The following GPRIN3 variants were observed in gnomAD, a reference collection of about 807,000 sequenced individuals.
The protein encoded by GPRIN3 is GPRIN family member 3, also known as G protein-regulated inducer of neurite outgrowth 3.
A neutral mutation model predicts 13.7 loss-of-function variants in GPRIN3; 12 were observed. The ratio of observed to expected loss-of-function variants is 0.87; its 90% CI spans 0.56 to 1.42. The LOEUF is 1.42. GPRIN3 is among the 40% of genes most tolerant of loss of function. The pLI, the probability that GPRIN3 is intolerant of heterozygous loss-of-function variation, is 0.00. For synonymous variants in GPRIN3, 377 were observed against 372.7 expected (o/e 1.01, Z -0.13); for missense variants, 1,009 against 958.7 (o/e 1.05, Z -0.69).
At position 89,238,432 on chromosome 4, in the gene GPRIN3, G is replaced by A. The variant is rs1722840326; in HGVS notation, c.*9348C>T. 1 of 152,162 alleles carries A rather than the reference G, an allele frequency of 6.6e-6. No individual in the cohort carries two copies. 9.4% of individuals were successfully genotyped at this position (152,162 alleles called of 1,614,324 possible). The stretch of plus-strand genomic sequence containing the variant: ...TTCTCAGGAGTAGGCAGAAAGGCTG[G>A]AGCTATATAGGGTACACCTGATGGC... On this transcript the variant is annotated 3_prime_UTR_variant, in exon 2 of 2. Transcript: ENST00000609438.
chr4:89,305,181 C>T (rs1725003296), intron 1 of GPRIN3, among the ~76,000 whole-genome samples: 1 of 152,162 alleles, frequency 6.6e-6, no homozygotes, highest in Non-Finnish European at 1.5e-5. Flanking sequence ...GTTTTTCAAC[C>T]ACCTGGAGCT....
intron 1 of GPRIN3, among the ~76,000 whole-genome samples, chr4:89,299,206 T>A (rs1484525136): frequency 6.6e-6 from 1 of 152,154 alleles, no homozygotes; most frequent in Non-Finnish European, 1.5e-5. Flanking sequence ...AATGCCACTC[T>A]CTTCAAAGAA....
chr4:89,256,742 C>G (rs1723475297), intron 1 of GPRIN3, among the ~76,000 whole-genome samples: 1 of 152,176 alleles, frequency 6.6e-6, no homozygotes, highest in Non-Finnish European at 1.5e-5. Context: ...TCTTTCCAGC[C>G]ATCTGACAGC....
At chr4:89,266,413 A>AAT (rs1723781354) in intron 1 of GPRIN3, among the ~76,000 whole-genome samples, 1 of 152,194 alleles carries the variant, frequency 6.6e-6, no homozygotes, top group Non-Finnish European at 1.5e-5. Context: ...GTGGCTCTTC[A>AAT]TAAACTTATG....
chr4:89,251,681 A>T (rs564170185), intron 1 of GPRIN3, among the ~76,000 whole-genome samples: 1 of 152,378 alleles, frequency 6.6e-6, no homozygotes, highest in Non-Finnish European at 1.5e-5. Context: ...TGAATGAGAA[A>T]AACAAGGTCC....
rs2149246911 is a variant in GPRIN3 at position 89,242,049 on chromosome 4, TTC to T, written c.*5729_*5730del. On this transcript the variant is annotated 3_prime_UTR_variant, in exon 2 of 2. Coordinates refer to ENST00000609438, the MANE Select transcript of GPRIN3 (RefSeq NM_198281.3). ...CTGTTAGCAATTCTCTCCCATTTAA[TTC>T]TTTCTAACATCATTAAATCACTGGG... 6.6e-6 allele frequency: 1 copy of T among 152,336 alleles called. No individual in the cohort carries two copies. Among genetic ancestry groups the T allele is most frequent in the African/African-American group, 2.4e-5 (1 of 41,586 alleles). The allele number at this position is 152,336 out of a possible 1,614,324, so 9.4% of individuals were successfully genotyped here.
chr4:89,264,345 G>T (rs980304632), intron 1 of GPRIN3, among the ~76,000 whole-genome samples: 1 of 152,166 alleles, frequency 6.6e-6, no homozygotes, highest in Admixed American at 6.5e-5. Context: ...TACCATGAGT[G>T]GAAGCAGCCT....
chr4:89,269,028 T>C (rs970619441), intron 1 of GPRIN3, among the ~76,000 whole-genome samples: 6 of 152,152 alleles, frequency 3.9e-5, no homozygotes, highest in African/African-American at 1.4e-4. Flanking sequence ...TGAGGTATGA[T>C]TGATATGCAT....
intron 1 of GPRIN3, 135 bp from the exon 2 acceptor site, chr4:89,250,368 G>A (rs931673460): frequency 5.2e-5 from 21 of 400,690 alleles, no homozygotes; most frequent in African/African-American, 4.2e-4. Flanking sequence ...TAGACCTTGT[G>A]GGGAGGGAGA....
In GPRIN3 at chr4:89,275,136, C is replaced by CTGTGTGTGTGTGTGTGTGTG. The variant is rs56091424; in HGVS notation, c.-123-24923_-123-24904dup. Among the ~76,000 whole-genome samples, 143 of 149,248 alleles carry CTGTGTGTGTGTGTGTGTGTG rather than the reference C, an allele frequency of 9.6e-4. 1 individual carries two copies. The highest frequency in any genetic ancestry group is 3.2e-3 in the African/African-American group (129 of 40,360). On this transcript the variant is annotated intron_variant, in intron 1 of 1. Transcript: ENST00000609438. ...TTTTCCAATAATGGACTAAGTAACT[C>CTGTGTGTGTGTGTGTGTGTG]TGTGTGTGTGTGTGTGTGTGTGTCC...
At position 89,238,644 on chromosome 4, in the gene GPRIN3, C is replaced by A. The variant is rs1722846033; in HGVS notation, c.*9136G>T. The A allele has an allele frequency of 6.6e-6, 1 of 151,684 alleles. No individual in the cohort carries two copies. The highest frequency in any genetic ancestry group is 2.4e-5 in the African/African-American group (1 of 41,276). 9.4% of individuals were successfully genotyped at this position (151,684 alleles called of 1,614,324 possible). A position where few individuals can be genotyped will look rare whatever the true frequency, so the allele number is the denominator to read the frequency against. ...GCTCTACCAAGTACAGGAAAAACCT[C>A]GCGTTTGATGACCAGGAGGAATTGT... On this transcript the variant is annotated 3_prime_UTR_variant, in exon 2 of 2. Coordinates refer to ENST00000609438, the MANE Select transcript of GPRIN3 (RefSeq NM_198281.3).
intron 1 of GPRIN3, among the ~76,000 whole-genome samples, chr4:89,303,975 T>A (rs115398992): frequency 0.01 from 1,525 of 152,298 alleles, 25 homozygotes; most frequent in African/African-American, 0.035. Context: ...CTTTTCTAAA[T>A]GATTCTTAAA....
chr4:89,250,204 A>T lies in GPRIN3; in HGVS notation c.-94T>A. 6.6e-7 allele frequency: 1 copy of T among 1,515,124 alleles called. No individual in the cohort carries two copies. The highest frequency in any genetic ancestry group is 8.8e-7 in the Non-Finnish European group (1 of 1,132,842). The allele number at this position is 1,515,124 out of a possible 1,614,324, so 93.9% of individuals were successfully genotyped here. A position where few individuals can be genotyped will look rare whatever the true frequency, so the allele number is the denominator to read the frequency against. ...CAGTCAGAGCTCAGAGTGATGACAC[A>T]GTCAGGGATGATTCCTCTGAAGAAC... is the stretch of plus-strand genomic sequence containing the variant. On this transcript the variant is annotated 5_prime_UTR_variant, in exon 2 of 2. Transcript: ENST00000609438.
In GPRIN3 at chr4:89,241,448, T is replaced by A. The variant is rs1416894987; in HGVS notation, c.*6332A>T. On this transcript the variant is annotated 3_prime_UTR_variant, in exon 2 of 2. Transcript: ENST00000609438. ...AATGTATTGACATACCACGACCAGC[T>A]ACAGTATTATGCACGACATATTGTT... The A allele has an allele frequency of 6.6e-6, 1 of 152,194 alleles. No individual in the cohort carries two copies. The highest frequency in any genetic ancestry group is 1.5e-5 in the Non-Finnish European group (1 of 68,034). The allele number at this position is 152,194 out of a possible 1,614,324, so 9.4% of individuals were successfully genotyped here. A position where few individuals can be genotyped will look rare whatever the true frequency, so the allele number is the denominator to read the frequency against.
chr4:89,287,672 G>C (rs1234145894), intron 1 of GPRIN3, among the ~76,000 whole-genome samples: 1 of 152,142 alleles, frequency 6.6e-6, no homozygotes, highest in Non-Finnish European at 1.5e-5. Flanking sequence ...ATTATGAATA[G>C]ACTTCAATGC....
At position 89,238,893 on chromosome 4, in the gene GPRIN3, G is replaced by C. The variant is rs1318914040; in HGVS notation, c.*8887C>G. 1 of 152,078 alleles carries C rather than the reference G, an allele frequency of 6.6e-6. No individual in the cohort carries two copies. Among genetic ancestry groups the C allele is most frequent in the Non-Finnish European group, 1.5e-5 (1 of 68,026 alleles). The allele number at this position is 152,078 out of a possible 1,614,324, so 9.4% of individuals were successfully genotyped here. On this transcript the variant is annotated 3_prime_UTR_variant, in exon 2 of 2. Coordinates refer to ENST00000609438, the MANE Select transcript of GPRIN3 (RefSeq NM_198281.3). The stretch of plus-strand genomic sequence containing the variant: ...TTACATTTATTATGAAAAGTGAGAT[G>C]CAAAAAAATCATAATCTAAATTTTT...
chr4:89,248,507 G>A lies in GPRIN3; in HGVS notation c.1604C>T (p.Ala535Val). The change falls in exon 2 of 2, where the codon GCA (alanine) becomes GTA (valine). Residue 535 changes from alanine to valine, a missense_variant. Physicochemically the swap from Ala to Val is moderately conservative, Grantham distance 64. Coordinates refer to ENST00000609438, the MANE Select transcript of GPRIN3 (RefSeq NM_198281.3). ...AGGAGATGCAGGCTTCTTTTCCCTT[G>A]CATCTCCTTTATTAGTGGGATCCAA... Reference protein sequence around the residue: ...GSLDPTNKGDAREKKPASPQV... With the variant: ...GSLDPTNKGDVREKKPASPQV... 1 of 1,613,038 alleles carries A rather than the reference G, an allele frequency of 6.2e-7. No homozygotes were observed. Among genetic ancestry groups the A allele is most frequent in the African/African-American group, 1.3e-5 (1 of 74,928 alleles).
chr4:89,250,008 G>T lies in GPRIN3; in HGVS notation c.103C>A (p.His35Asn), dbSNP rs1399451022. 3 of 1,614,238 alleles carry T rather than the reference G, an allele frequency of 1.9e-6. No homozygotes were observed. The highest frequency in any genetic ancestry group is 2.5e-6 in the Non-Finnish European group (3 of 1,180,030). ...TTCTTACACAGGAGAGCTGGTCGAT[G>T]CCGAGGTGAGGCAGCCTGTGGCTCT... Reference protein sequence around the residue: ...LGEPQAASPRHRPALLCKNAN... With the variant: ...LGEPQAASPRNRPALLCKNAN... Residue 35 changes from histidine to asparagine, a missense_variant, in exon 2 of 2, where the codon CAT (histidine) becomes AAT (asparagine). Physicochemically the swap from His to Asn is moderately conservative, Grantham distance 68. Coordinates refer to ENST00000609438, the MANE Select transcript of GPRIN3 (RefSeq NM_198281.3).
Position 89,295,590 on chromosome 4 carries a change from G to C in GPRIN3, c.-124+12025C>G, listed in dbSNP as rs114863796. On this transcript the variant is annotated intron_variant, in intron 1 of 1. Transcript: ENST00000609438. The stretch of plus-strand genomic sequence containing the variant: ...AGGGCCCGTTTGGGTTCCAACAAAG[G>C]CAGAATGGGCCTAAAATTCAGAAAA... Among the ~76,000 whole-genome samples, 1,059 of 152,212 alleles carry C rather than the reference G, an allele frequency of 7.0e-3. 13 individuals carry two copies. Among genetic ancestry groups the C allele is most frequent in the African/African-American group, 0.024 (1,010 of 41,528 alleles).
Sources: gnomAD v4.1 joint callset for allele counts (sites outside exome capture counted in the v4.1 genomes callset) on GRCh38, gnomAD v4.1.1 for gene constraint, MANE v1.5 for transcripts, NCBI Gene and HGNC (gene_info 2026-07-23, HGNC 2026-07-21) for gene names.